PCDH15: variants seen among roughly 807,000 people sequenced by gnomAD.
The protein encoded by PCDH15 is protocadherin related 15, also known as protocadherin-15.
Under a neutral mutation model 178.5 loss-of-function variants are expected in PCDH15, and 129 were observed. That is an observed-to-expected ratio of 0.72 (90% CI 0.63 to 0.84). The LOEUF (loss-of-function observed/expected upper bound fraction) is 0.84, where lower values mean the gene tolerates loss of function less well. PCDH15 is among the 40% of genes least tolerant of loss of function. The pLI is 0.00. For missense variants in PCDH15, 2,230 were observed against 2,099.9 expected (o/e 1.06, Z -1.21); for synonymous variants, 800 against 732.0 (o/e 1.09, Z -1.50).
chr10:55,616,350 A>G (rs1843474073), intron 2 of PCDH15, among the ~76,000 whole-genome samples: 1 of 152,196 alleles, frequency 6.6e-6, no homozygotes, highest in Non-Finnish European at 1.5e-5. Context: ...TGGCATAAAA[A>G]TGTTCATAGC....
At chr10:54,067,477 C>T (rs11004029) in intron 17 of PCDH15, among the ~76,000 whole-genome samples, 31,964 of 151,956 alleles carry the variant, frequency 0.21, 3,533 homozygotes, top group Non-Finnish European at 0.25. Context: ...GCAGGTAAAC[C>T]TACCAGTAGT....
chr10:54,364,208 T>C (rs568966907), intron 5 of PCDH15, among the ~76,000 whole-genome samples: 10 of 67,110 alleles, frequency 1.5e-4, no homozygotes, highest in Non-Finnish European at 2.8e-4. Flanking sequence ...AGCAAAACTC[T>C]GAAAAAAAAA....
At chr10:54,852,855 AAAAATAAAATAAAAT>A (rs368212815) in intron 3 of PCDH15, among the ~76,000 whole-genome samples, 2 of 147,238 alleles carry the variant, frequency 1.4e-5, no homozygotes, top group African/African-American at 5.0e-5. Context: ...TCTGTCTCAA[AAAAATAAAATAAAAT>A]AAAATAAAAT....
intron 26 of PCDH15, among the ~76,000 whole-genome samples, chr10:53,900,820 C>G (rs2082286649): frequency 6.6e-6 from 1 of 152,162 alleles, no homozygotes; most frequent in African/African-American, 2.4e-5. Flanking sequence ...TAAATCCCAT[C>G]AGATAATGCC....
intron 23 of PCDH15, among the ~76,000 whole-genome samples, chr10:53,948,355 A>AGAATTCTGTTTT (rs1184749384): frequency 6.6e-6 from 1 of 152,182 alleles, no homozygotes; most frequent in Non-Finnish European, 1.5e-5. Flanking sequence ...ACAGGTAATC[A>AGAATTCTGTTTT]GAATTCTGTT....
intron 1 of PCDH15, among the ~76,000 whole-genome samples, chr10:54,711,240 CA>C (rs1369165894): frequency 2.0e-5 from 3 of 151,848 alleles, no homozygotes. Flanking sequence ...ACGTTTCAAA[CA>C]AAAATGATAT....
intron 2 of PCDH15, among the ~76,000 whole-genome samples, chr10:54,635,849 G>A (rs906292077): frequency 7.9e-5 from 12 of 151,710 alleles, no homozygotes; most frequent in South Asian, 6.2e-4. Context: ...ACCTCCACGA[G>A]TTCACTTTTA....
intron 2 of PCDH15, among the ~76,000 whole-genome samples, chr10:54,634,862 G>A (rs981631029): frequency 1.3e-5 from 2 of 151,784 alleles, no homozygotes; most frequent in Admixed American, 1.3e-4. Context: ...TATAATATCT[G>A]CTGTCACTGC....
intron 2 of PCDH15, among the ~76,000 whole-genome samples, chr10:55,462,226 G>A (rs539245346): frequency 3.3e-5 from 5 of 152,034 alleles, no homozygotes; most frequent in Non-Finnish European, 5.9e-5. Flanking sequence ...TGTTCATGTC[G>A]TTACGATGTA....
At chr10:53,861,045 T>C (rs2079075274) in intron 27 of PCDH15, among the ~76,000 whole-genome samples, 2 of 152,174 alleles carry the variant, frequency 1.3e-5, no homozygotes, top group Non-Finnish European at 2.9e-5. Context: ...CACACACATT[T>C]TGACTATGCA....
At chr10:54,350,647 A>G (rs1250382816) in intron 5 of PCDH15, among the ~76,000 whole-genome samples, 1 of 152,248 alleles carries the variant, frequency 6.6e-6, no homozygotes, top group Non-Finnish European at 1.5e-5. Flanking sequence ...CAGATGCAAA[A>G]AAGCAGAAGA....
At chr10:54,877,089 C>T (rs1339246169) in intron 3 of PCDH15, among the ~76,000 whole-genome samples, 2 of 152,122 alleles carry the variant, frequency 1.3e-5, no homozygotes, top group Non-Finnish European at 2.9e-5. Context: ...AAGGTAATAC[C>T]TTCCAATGAC....
chr10:55,615,031 T>C (rs1186268601), intron 2 of PCDH15, among the ~76,000 whole-genome samples: 1 of 152,170 alleles, frequency 6.6e-6, no homozygotes, highest in Non-Finnish European at 1.5e-5. Context: ...AAATGGTCAT[T>C]AGATATTGGG....
At chr10:54,408,378 T>C (rs1210627296) in intron 3 of PCDH15, among the ~76,000 whole-genome samples, 16 of 152,276 alleles carry the variant, frequency 1.1e-4, no homozygotes, top group Admixed American at 9.2e-4. Context: ...ATTCCATATA[T>C]GTAAAATATG....
At chr10:53,886,678 T>C (rs752842176) in intron 26 of PCDH15, among the ~76,000 whole-genome samples, 1 of 147,576 alleles carries the variant, frequency 6.8e-6, no homozygotes, top group African/African-American at 2.5e-5. Context: ...AACCAGAATA[T>C]TGAGCCCAAA....
At position 53,818,009 on chromosome 10, in the gene PCDH15, C is replaced by A; in HGVS notation, c.4438G>T (p.Gly1480Cys). ...AAAGCCCTTACCTCTGATCCATAACCTCTCCTGCAAGGCAGAAATAAATAA... is the reference window on the plus strand; with the variant it reads ...AAAGCCCTTACCTCTGATCCATAACATCTCCTGCAAGGCAGAAATAAATAA... ...CAIWRTLTRR[G>C]YGSEQQQLLR... The change falls in exon 34 of 38, where the codon GGT becomes TGT. Residue 1480 changes from glycine to cysteine, a missense_variant. Coordinates refer to ENST00000644397, the MANE Select transcript of PCDH15 (RefSeq NM_001384140.1). 1 of 398,606 alleles carries A rather than the reference C, an allele frequency of 2.5e-6. No individual in the cohort carries two copies. Among genetic ancestry groups the A allele is most frequent in the South Asian group, 1.3e-4 (1 of 7,846 alleles). 24.7% of individuals were successfully genotyped at this position (398,606 alleles called of 1,614,324 possible).
At chr10:53,822,432 AGAGGAGCAGGAGCAG>A (rs2076346113) in intron 32 of PCDH15, 1 of 1,583,396 alleles carries the variant, frequency 6.3e-7, no homozygotes, top group Non-Finnish European at 8.6e-7. Flanking sequence ...AGGAGGAGCA[AGAGGAGCAGGAGCAG>A]GAGGAGGAGA....
chr10:55,574,264 T>C (rs1842457959), intron 2 of PCDH15, among the ~76,000 whole-genome samples: 1 of 152,034 alleles, frequency 6.6e-6, no homozygotes, highest in South Asian at 2.1e-4. Flanking sequence ...AATGAAATAG[T>C]GGTAATTCGT....
chr10:54,805,517 C>T (rs1952765579), upstream of PCDH15, among the ~76,000 whole-genome samples: 1 of 152,112 alleles, frequency 6.6e-6, no homozygotes, highest in East Asian at 1.9e-4. Flanking sequence ...TTTCATGTTG[C>T]ATAGCTTTGT....
Sources: allele counts gnomAD v4.1 joint callset (sites outside exome capture counted in the v4.1 genomes callset), GRCh38; gene constraint gnomAD v4.1.1; transcripts MANE v1.5; gene names NCBI Gene and HGNC (gene_info 2026-07-23, HGNC 2026-07-21).